RASGRP3: variants seen among roughly 807,000 people sequenced by gnomAD.
RASGRP3 encodes RAS guanyl releasing protein 3.
Under a neutral mutation model 82.7 loss-of-function variants are expected in RASGRP3, and 54 were observed. That is an observed-to-expected ratio of 0.65 (90% confidence interval 0.52 to 0.82). The LOEUF is 0.82. Among genes scored for constraint, RASGRP3 ranks in the 40% least tolerant of loss-of-function variants. RASGRP3 has a pLI of 0.00. For missense variants in RASGRP3, 861 were observed against 828.9 expected (o/e 1.04, Z -0.48); for synonymous variants, 309 against 300.5 (o/e 1.03, Z -0.29).
intron 2 of RASGRP3, chr2:33,513,796 T>A (rs1298477295): frequency 6.6e-6 from 1 of 152,260 alleles, no homozygotes; most frequent in African/African-American, 2.4e-5. Flanking sequence ...GTGGGATAGC[T>A]CTCATCCTCA....
rs771435079 is a variant in RASGRP3, at chr2:33,527,352, C to A, written c.1023C>A (p.Val341=). 2.5e-6 allele frequency: 4 copies of A among 1,613,902 alleles called. No individual in the cohort carries two copies. The highest frequency in any genetic ancestry group is 3.3e-4 in the Middle Eastern group (2 of 6,062). The change falls in exon 10 of 18, where the codon GTC becomes GTA. Residue 341 remains valine, a synonymous_variant. Transcript: ENST00000403687. ...TCTCCGTTACCCTGAGTGAACTAGT[C>A]TCCCTGCAGAATGCCTCTCACCACT... ...HQLSVTLSEL[V]SLQNASHHLE...
intron 7 of RASGRP3, among the ~76,000 whole-genome samples, chr2:33,522,552 T>A (rs1473686814): frequency 6.6e-6 from 1 of 152,238 alleles, no homozygotes; most frequent in Non-Finnish European, 1.5e-5. Flanking sequence ...ATCAGGTTGT[T>A]TCTTTCCCAG....
At chr2:33,540,571 TG>T (rs1275363364) in intron 12 of RASGRP3, among the ~76,000 whole-genome samples, 1 of 22,300 alleles carries the variant, frequency 4.5e-5, no homozygotes, top group African/African-American at 1.8e-4. Flanking sequence ...TGTGTGTGTG[TG>T]TGTGTGTGTG....
In RASGRP3 at chr2:33,559,019, C is replaced by A. The variant is rs752133952; in HGVS notation, c.2053C>A (p.Gln685Lys). The part of the protein sequence containing the change: ...LDQDEGEETR[Q>K]DGEDG ...CCAGGATGAAGGAGAAGAGACCAGACAGGATGGTGAGGTAAGTGCTAGGTC... is the reference window on the plus strand; with the variant it reads ...CCAGGATGAAGGAGAAGAGACCAGAAAGGATGGTGAGGTAAGTGCTAGGTC... Residue 685 changes from glutamine (Q) to lysine (K), a missense_variant, in exon 17 of 18, where the codon CAG becomes AAG. By Grantham distance (53) the Gln-to-Lys change is moderately conservative (BLOSUM62 1). Transcript: ENST00000403687. 1 of 1,606,272 alleles carries A rather than the reference C, an allele frequency of 6.2e-7. No homozygotes were observed. Among genetic ancestry groups the A allele is most frequent in the Non-Finnish European group, 8.5e-7 (1 of 1,176,808 alleles).
At chr2:33,561,717 A>C (rs747337979) in intron 17 of RASGRP3, among the ~76,000 whole-genome samples, 24 of 152,144 alleles carry the variant, frequency 1.6e-4, no homozygotes, top group Non-Finnish European at 2.8e-4. Flanking sequence ...CCTGTAGTTA[A>C]AGACTTTAGA....
At chr2:33,457,832 A>G (rs1666124985) in intron 2 of RASGRP3, among the ~76,000 whole-genome samples, 1 of 152,218 alleles carries the variant, frequency 6.6e-6, no homozygotes, top group Admixed American at 6.5e-5. Context: ...ACTACTTCAG[A>G]AAATGGTTAA....
At chr2:33,520,785 C>A in intron 6 of RASGRP3, 101 bp downstream of exon 6, 1 of 1,491,774 alleles carries the variant, frequency 6.7e-7, no homozygotes, top group Non-Finnish European at 9.1e-7. Context: ...ACTCCTGAAT[C>A]CAGGTTTGCT....
At chr2:33,469,985 C>T (rs1165194914) in intron 2 of RASGRP3, among the ~76,000 whole-genome samples, 1 of 152,128 alleles carries the variant, frequency 6.6e-6, no homozygotes, top group Non-Finnish European at 1.5e-5. Flanking sequence ...TGTTCCATTG[C>T]TCTAGTTCTT....
At chr2:33,515,246 G>A (rs779551774) in intron 3 of RASGRP3, 40 bp downstream of exon 3, 15 of 1,601,008 alleles carry the variant, frequency 9.4e-6, no homozygotes, top group East Asian at 4.5e-5. Context: ...TGGATCTCTC[G>A]ATGCTCTCAC....
chr2:33,452,208 C>G (rs1485905631), intron 2 of RASGRP3, among the ~76,000 whole-genome samples: 1 of 152,180 alleles, frequency 6.6e-6, no homozygotes, highest in East Asian at 1.9e-4. Context: ...AATTCTCTGA[C>G]AGGCAGTTCA....
Position 33,439,926 on chromosome 2 carries a change from G to A in RASGRP3, c.-385+3335G>A, listed in dbSNP as rs79838523. The stretch of plus-strand genomic sequence containing the variant: ...ATCAGGGCACCGAGGCCTGGGTTCT[G>A]ATGAAGACAGAGAGAAAGAAGCCCA... On this transcript the variant is annotated intron_variant, in intron 1 of 18. Coordinates refer to the RASGRP3 transcript ENST00000402538. 2.0e-4 allele frequency among the ~76,000 whole-genome samples: 30 copies of A among 152,300 alleles called. No homozygotes were observed. In the East Asian group the frequency reaches 5.8e-3, roughly 29 times the overall value.
At chr2:33,561,428 T>G (rs1427624904) in intron 17 of RASGRP3, among the ~76,000 whole-genome samples, 1 of 152,100 alleles carries the variant, frequency 6.6e-6, no homozygotes, top group Admixed American at 6.6e-5. Context: ...ATTTCATCTG[T>G]GCTAATTAAT....
intron 10 of RASGRP3, chr2:33,531,873 A>G (rs1397683843): frequency 1.3e-5 from 2 of 150,876 alleles, no homozygotes; most frequent in African/African-American, 2.5e-5. Flanking sequence ...TCTCCAGCAG[A>G]TGCTGGTGCC....
Position 33,527,247 on chromosome 2 carries a change from G to C in RASGRP3, c.918G>C (p.Leu306Phe), listed in dbSNP as rs1195366284. 1 of 1,614,016 alleles carries C rather than the reference G, an allele frequency of 6.2e-7. No homozygotes were observed. Among genetic ancestry groups the C allele is most frequent in the Non-Finnish European group, 8.5e-7 (1 of 1,179,882 alleles). The change falls in exon 10 of 18, where the codon TTG becomes TTC. Residue 306 changes from leucine (L) to phenylalanine (F), a missense_variant. By Grantham distance (22) the Leu-to-Phe change is conservative (BLOSUM62 0). Coordinates refer to ENST00000403687, the MANE Select transcript of RASGRP3 (RefSeq NM_001139488.2). ...GFKIPILGVHLKDLIAVHVIF... is the reference protein window; with the variant it reads ...GFKIPILGVHFKDLIAVHVIF... ...AAATCCCCATCCTTGGAGTACACTT[G>C]AAAGACTTGATAGCTGTCCATGTCA...
chr2:33,503,083 A>C (rs1022898629), intron 1 of RASGRP3, among the ~76,000 whole-genome samples: 1 of 152,220 alleles, frequency 6.6e-6, no homozygotes, highest in Non-Finnish European at 1.5e-5. Context: ...ATCCATTTGT[A>C]ATATTGTTCT....
chr2:33,476,089 A>G (rs187508676), upstream of RASGRP3: 3 of 152,404 alleles, frequency 2.0e-5, no homozygotes, highest in Admixed American at 2.0e-4. Flanking sequence ...TTTGAAGTCC[A>G]ACCTAAGCAT....
chr2:33,451,686 G>C (rs906492273), intron 2 of RASGRP3, among the ~76,000 whole-genome samples: 2 of 152,016 alleles, frequency 1.3e-5, no homozygotes, highest in Non-Finnish European at 2.9e-5. Context: ...TGATTGTAAT[G>C]TGTCTTGGTG....
At chr2:33,444,084 C>T (rs936961325) in intron 1 of RASGRP3, among the ~76,000 whole-genome samples, 1 of 151,940 alleles carries the variant, frequency 6.6e-6, no homozygotes, top group Non-Finnish European at 1.5e-5. Flanking sequence ...GGGAGGATTG[C>T]TTGAGGTCAG....
At chr2:33,438,143 T>C (rs1293408429) in intron 1 of RASGRP3, among the ~76,000 whole-genome samples, 1 of 152,268 alleles carries the variant, frequency 6.6e-6, no homozygotes, top group Non-Finnish European at 1.5e-5. Flanking sequence ...TGAAAATGTT[T>C]TAACTGTATG....
Sources: allele counts gnomAD v4.1 joint callset (sites outside exome capture counted in the v4.1 genomes callset), GRCh38; gene constraint gnomAD v4.1.1; transcripts MANE v1.5; gene names NCBI Gene and HGNC (gene_info 2026-07-23, HGNC 2026-07-21).